ARHGEF3: variants seen among roughly 807,000 people sequenced by gnomAD.
ARHGEF3 encodes Rho guanine nucleotide exchange factor 3.
Under a neutral mutation model 63.2 loss-of-function variants are expected in ARHGEF3, and 28 were observed. The ratio of observed to expected loss-of-function variants is 0.44; its 90% CI spans 0.33 to 0.61. The LOEUF is 0.61. Ranked by LOEUF, ARHGEF3 falls within the 20% of genes least tolerant of loss-of-function variation. The pLI is 0.03. For missense variants in ARHGEF3, 533 were observed against 659.3 expected, an observed-to-expected ratio of 0.81 and a Z score of 2.10; for synonymous variants, 266 against 254.2, an observed-to-expected ratio of 1.05 and a Z score of -0.44.
intron 2 of ARHGEF3, among the ~76,000 whole-genome samples, chr3:57,008,868 A>G (rs1246977501): frequency 1.3e-5 from 2 of 152,236 alleles, no homozygotes; most frequent in African/African-American, 4.8e-5. Flanking sequence ...TGGATTTTCA[A>G]TTCCAGCTCA....
intron 1 of ARHGEF3, among the ~76,000 whole-genome samples, chr3:57,042,714 T>TTTTTTTTA (rs1704275820): frequency 8.3e-6 from 1 of 121,202 alleles, no homozygotes; most frequent in East Asian, 2.5e-4. Flanking sequence ...TTTTTTTTTT[T>TTTTTTTTA]TAGACGGAGT....
chr3:56,820,323 A>G (rs2038433375), intron 4 of ARHGEF3, among the ~76,000 whole-genome samples: 1 of 152,180 alleles, frequency 6.6e-6, no homozygotes, highest in Non-Finnish European at 1.5e-5. Flanking sequence ...GATGCTTATC[A>G]AACCTCCAGA....
chr3:57,063,579 G>C (rs1705358093), intron 1 of ARHGEF3, among the ~76,000 whole-genome samples: 1 of 152,178 alleles, frequency 6.6e-6, no homozygotes, highest in Admixed American at 6.5e-5. Context: ...CAGGCTTTGG[G>C]CCTGAGCAAC....
intron 4 of ARHGEF3, among the ~76,000 whole-genome samples, chr3:56,827,599 T>C (rs1326104611): frequency 2.6e-5 from 4 of 151,838 alleles, no homozygotes; most frequent in Non-Finnish European, 4.4e-5. Context: ...TTGTTGCTAG[T>C]AAAGCAGACA....
rs562730743 is a variant in ARHGEF3 at position 56,834,393 on chromosome 3, ATATATC to A, written c.192+47893_192+47898del. ...TAGTAAGAAAAACTAGAAGCATACT[ATATATC>A]TAATAACGGTGGGTTAATTTAATAA... On this transcript the variant is annotated intron_variant, in intron 4 of 12. Transcript: ENST00000338458. Among the ~76,000 whole-genome samples, 52 of 152,308 alleles carry A rather than the reference ATATATC, an allele frequency of 3.4e-4. No individual in the cohort carries two copies. The South Asian group carries it at 0.011, about 31-fold the overall frequency.
At chr3:56,907,854 T>A (rs185507334) in intron 3 of ARHGEF3, among the ~76,000 whole-genome samples, 1 of 152,164 alleles carries the variant, frequency 6.6e-6, no homozygotes. Flanking sequence ...CAACACACAC[T>A]GGGGCCTATC....
chr3:57,049,624 T>A (rs567011571), intron 1 of ARHGEF3, among the ~76,000 whole-genome samples: 3 of 152,334 alleles, frequency 2.0e-5, no homozygotes, highest in African/African-American at 7.2e-5. Context: ...GAAATGCAGA[T>A]GTCTAGGCTT....
chr3:56,923,292 GGTT>G (rs777999261), intron 3 of ARHGEF3, among the ~76,000 whole-genome samples: 16,139 of 150,828 alleles, frequency 0.11, 1,202 homozygotes, highest in East Asian at 0.25. Flanking sequence ...TTTTTGTATA[GGTT>G]TTAATTTTTC....
chr3:56,821,832 G>A (rs914517544), intron 4 of ARHGEF3, among the ~76,000 whole-genome samples: 2 of 151,958 alleles, frequency 1.3e-5, no homozygotes, highest in Non-Finnish European at 2.9e-5. Flanking sequence ...GGCATGGTGG[G>A]GCAAGCCTGT....
intron 1 of ARHGEF3, chr3:56,775,128 T>C: frequency 6.5e-7 from 1 of 1,546,396 alleles, no homozygotes; most frequent in Non-Finnish European, 8.7e-7. Flanking sequence ...AGAGGGAGCC[T>C]CTAGGTATTC....
chr3:56,917,659 G>C (rs1230047789), intron 3 of ARHGEF3, among the ~76,000 whole-genome samples: 1 of 152,178 alleles, frequency 6.6e-6, no homozygotes, highest in Non-Finnish European at 1.5e-5. Context: ...GTCTGAGAAG[G>C]GTTCTCAGAG....
intron 3 of ARHGEF3, among the ~76,000 whole-genome samples, chr3:56,920,572 C>T (rs758758528): frequency 1.8e-4 from 27 of 152,170 alleles, no homozygotes; most frequent in African/African-American, 1.7e-4. Context: ...TGGCAAGCAA[C>T]GATGATTCTT....
intron 3 of ARHGEF3, among the ~76,000 whole-genome samples, chr3:56,922,904 G>C (rs1040259115): frequency 1.3e-5 from 2 of 151,790 alleles, no homozygotes; most frequent in African/African-American, 4.8e-5. Context: ...AAGCAGAACA[G>C]CCTGGGTGCA....
At chr3:56,949,928 C>T (rs931642308) in intron 3 of ARHGEF3, among the ~76,000 whole-genome samples, 1 of 152,004 alleles carries the variant, frequency 6.6e-6, no homozygotes, top group African/African-American at 2.4e-5. Context: ...GGTACCAAAA[C>T]AGAGATATAG....
intron 2 of ARHGEF3, among the ~76,000 whole-genome samples, chr3:56,981,439 C>A (rs1701323748): frequency 6.6e-6 from 1 of 152,134 alleles, no homozygotes; most frequent in Admixed American, 6.5e-5. Context: ...GTAGGTGCCA[C>A]CAGCAAGGAG....
rs576162845 is a variant in ARHGEF3 at position 56,884,487 on chromosome 3, T to C, written c.130-2133A>G. ...GTGGCGTTCTACATATATACATTTT[T>C]CCACTGAAACAGTGGTGCAGCGTGC... On this transcript the variant is annotated intron_variant, in intron 3 of 12. Coordinates refer to the ARHGEF3 transcript ENST00000338458. Among the ~76,000 whole-genome samples, 3 of 152,364 alleles carry C rather than the reference T, an allele frequency of 2.0e-5. No homozygotes were observed. The East Asian group carries it at 5.8e-4, about 29-fold the overall frequency.
chr3:56,918,994 A>C (rs911144092), intron 3 of ARHGEF3, among the ~76,000 whole-genome samples: 2 of 152,194 alleles, frequency 1.3e-5, no homozygotes, highest in African/African-American at 4.8e-5. Context: ...CTGGTGTTAA[A>C]AAGCCAGACG....
chr3:56,973,080 G>A (rs1470752490), intron 2 of ARHGEF3, among the ~76,000 whole-genome samples: 7 of 151,438 alleles, frequency 4.6e-5, no homozygotes, highest in Non-Finnish European at 7.4e-5. Context: ...GCAGTGGTGC[G>A]ATTTTGGCTC....
chr3:57,059,967 G>C (rs548690463), intron 1 of ARHGEF3, among the ~76,000 whole-genome samples: 90 of 152,090 alleles, frequency 5.9e-4, no homozygotes, highest in African/African-American at 2.1e-3. Context: ...TTGCACTCCA[G>C]CCTGGGCAAC....
Sources: allele counts gnomAD v4.1 joint callset (sites outside exome capture counted in the v4.1 genomes callset), GRCh38; gene constraint gnomAD v4.1.1; transcripts MANE v1.5; gene names NCBI Gene and HGNC (gene_info 2026-07-23, HGNC 2026-07-21).